EHMT1: variants seen among roughly 807,000 people sequenced by gnomAD.
The protein encoded by EHMT1 is euchromatic histone lysine methyltransferase 1, also known as histone-lysine N-methyltransferase EHMT1.
Under a neutral mutation model 147.2 loss-of-function variants are expected in EHMT1, and 15 were observed. That is an observed-to-expected ratio of 0.10 (90% CI 0.07 to 0.16). EHMT1 has a LOEUF of 0.16. Among genes scored for constraint, EHMT1 ranks in the 10% least tolerant of loss-of-function variants. The probability of loss-of-function intolerance (pLI) is 1.00; values close to 1 mark genes in which losing one functional copy is unlikely to be tolerated. For missense variants in EHMT1, 1,587 were observed against 1,772.4 expected, an observed-to-expected ratio of 0.90 and a Z score of 1.88; for synonymous variants, 795 against 709.6, an observed-to-expected ratio of 1.12 and a Z score of -1.91.
Position 137,622,843 on chromosome 9 carries a change from G to A in EHMT1, c.21+3794G>A, listed in dbSNP as rs529748926. Among the ~76,000 whole-genome samples the A allele has an allele frequency of 8.6e-5, 13 of 150,996 alleles. No homozygotes were observed. The East Asian group carries it at 2.2e-3, about 25-fold the overall frequency. On this transcript the variant is annotated intron_variant, in intron 1 of 26. Coordinates refer to ENST00000460843, the MANE Select transcript of EHMT1 (RefSeq NM_024757.5). ...GATCGCTTGATCCCAGGAGGCCAAGGCTGCAGTGAGCTGTGATTGTGCCAC... is the reference window on the plus strand; with the variant it reads ...GATCGCTTGATCCCAGGAGGCCAAGACTGCAGTGAGCTGTGATTGTGCCAC...
At chr9:137,765,664 T>G (rs1055433544) in intron 10 of EHMT1, among the ~76,000 whole-genome samples, 1 of 2,650 alleles carries the variant, frequency 3.8e-4, no homozygotes, top group Non-Finnish European at 9.2e-4. Flanking sequence ...ACTGCCCCAC[T>G]CCCCCCGCCC....
At chr9:137,748,902 A>G (rs1172437780) in intron 6 of EHMT1, among the ~76,000 whole-genome samples, 1 of 152,042 alleles carries the variant, frequency 6.6e-6, no homozygotes, top group African/African-American at 2.4e-5. Flanking sequence ...TTTCACTGAA[A>G]CAGTACCCGG....
chr9:137,742,340 G>T (rs964878307), intron 4 of EHMT1, among the ~76,000 whole-genome samples: 1 of 117,782 alleles, frequency 8.5e-6, no homozygotes, highest in Admixed American at 9.7e-5. Context: ...TGTAAGTAAA[G>T]GGGGTCTCAC....
rs562568232 is a variant in EHMT1 at position 137,787,465 on chromosome 9, G to C, written c.2383-3383G>C. On this transcript the variant is annotated intron_variant, in intron 15 of 26. Coordinates refer to ENST00000460843, the MANE Select transcript of EHMT1 (RefSeq NM_024757.5). This position sits in a 1 kb window ranked among gnomAD's most constrained non-coding sequence, Gnocchi z 4.2. The stretch of plus-strand genomic sequence containing the variant: ...GCCTCTGGGTGTAGGGGAAACAGAG[G>C]CATGACTGACCAGGGCCAGGGCCGT... Among the ~76,000 whole-genome samples, 1 of 152,210 alleles carries C rather than the reference G, an allele frequency of 6.6e-6. No homozygotes were observed. The highest frequency in any genetic ancestry group is 2.4e-5 in the African/African-American group (1 of 41,462).
chr9:137,694,819 G>C (rs1165736619), intron 1 of EHMT1, among the ~76,000 whole-genome samples: 1 of 152,246 alleles, frequency 6.6e-6, no homozygotes, highest in South Asian at 2.1e-4. Context: ...CAGGCCATCA[G>C]CTCGGCAGGC....
chr9:137,790,428 T>C (rs1952437239), intron 15 of EHMT1, among the ~76,000 whole-genome samples: 1 of 152,178 alleles, frequency 6.6e-6, no homozygotes, highest in Non-Finnish European at 1.5e-5. Context: ...TTTCCACTTA[T>C]TTTGGCGAGT....
intron 4 of EHMT1, among the ~76,000 whole-genome samples, chr9:137,740,091 T>A (rs1947918786): frequency 6.6e-6 from 1 of 152,208 alleles, no homozygotes; most frequent in Non-Finnish European, 1.5e-5. Context: ...TTGTCTGCCC[T>A]CTGGAGCCTG....
chr9:137,827,762 C>A (rs1016212543), intron 25 of EHMT1, among the ~76,000 whole-genome samples: 13 of 151,656 alleles, frequency 8.6e-5, no homozygotes, highest in African/African-American at 2.9e-4. Context: ...CCCGCCCTCC[C>A]GGTCCTTACC....
rs1949189978 is a variant in EHMT1, at chr9:137,754,020, C to G, written c.1249-151C>G. The G allele has an allele frequency of 6.0e-6, 8 of 1,324,388 alleles. No homozygotes were observed. The South Asian group carries it at 7.2e-5, about 12-fold the overall frequency. The allele number at this position is 1,324,388 out of a possible 1,614,324, so 82.0% of individuals were successfully genotyped here. A position where few individuals can be genotyped will look rare whatever the true frequency, so the allele number is the denominator to read the frequency against. Reference sequence around the variant, plus strand: ...CGCAGGGTGCCTTTAAGCGTGTGACCCAGCAAAATGTCTACAAGTTAAGTT... The same window carrying G: ...CGCAGGGTGCCTTTAAGCGTGTGACGCAGCAAAATGTCTACAAGTTAAGTT... On this transcript the variant is annotated intron_variant, in intron 7 of 26. Coordinates refer to ENST00000460843, the MANE Select transcript of EHMT1 (RefSeq NM_024757.5).
At chr9:137,671,441 G>A (rs1940616521) in intron 1 of EHMT1, among the ~76,000 whole-genome samples, 1 of 151,476 alleles carries the variant, frequency 6.6e-6, no homozygotes, top group African/African-American at 2.4e-5. Context: ...AAACCTGAAG[G>A]GAAGATGACC....
intron 19 of EHMT1, 61 bp downstream of exon 19, chr9:137,811,676 A>T (rs777741089): frequency 4.5e-5 from 71 of 1,594,576 alleles, no homozygotes; most frequent in Non-Finnish European, 5.9e-5. Context: ...GCCCAGAGAG[A>T]CCGCTTGACA....
chr9:137,688,731 C>T (rs1243781892), intron 1 of EHMT1, among the ~76,000 whole-genome samples: 1 of 152,194 alleles, frequency 6.6e-6, no homozygotes, highest in African/African-American at 2.4e-5. Context: ...TTTGTGTATT[C>T]TCATGCACAC....
At chr9:137,809,312 A>G (rs1051918134) in intron 18 of EHMT1, among the ~76,000 whole-genome samples, 2 of 151,982 alleles carry the variant, frequency 1.3e-5, no homozygotes, top group African/African-American at 2.4e-5. Context: ...TGGGAGGGGG[A>G]CTGCGTGAGA....
intron 1 of EHMT1, among the ~76,000 whole-genome samples, chr9:137,675,664 C>G (rs1358563091): frequency 7.3e-6 from 1 of 136,998 alleles, no homozygotes. Flanking sequence ...GACAGAGTCT[C>G]GCTCTGTCAC....
At chr9:137,734,139 A>G (rs1362805589) in intron 4 of EHMT1, among the ~76,000 whole-genome samples, 1 of 152,330 alleles carries the variant, frequency 6.6e-6, no homozygotes, top group East Asian at 1.9e-4. Context: ...AAATAAGTCA[A>G]CAGAAACTGT....
Position 137,782,336 on chromosome 9 carries a change from G to T in EHMT1, c.2321G>T (p.Arg774Leu). The change falls in exon 15 of 27, where the codon CGC (arginine) becomes CTC (leucine). Residue 774 changes from arginine to leucine, a missense_variant. Arg to Leu is a moderately radical substitution (Grantham distance 102). Transcript: ENST00000460843. This position sits in a 1 kb window ranked among gnomAD's most constrained non-coding sequence, Gnocchi z 5.7. ...TTCAAAATGGAGCACCAGAATAAGC[G>T]CTCTCCACTGCACGCCGCGGCAGAG... ...PNFKMEHQNKRSPLHAAAEAG... is the reference protein window; with the variant it reads ...PNFKMEHQNKLSPLHAAAEAG... 1 of 1,613,408 alleles carries T rather than the reference G, an allele frequency of 6.2e-7. No homozygotes were observed.
chr9:137,797,914 A>G (rs759730925), intron 16 of EHMT1, among the ~76,000 whole-genome samples: 41 of 152,354 alleles, frequency 2.7e-4, no homozygotes, highest in Non-Finnish European at 5.7e-4. Flanking sequence ...AACCCTGTGT[A>G]AGGCGTGTGG....
chr9:137,642,119 T>G (rs912285124), intron 1 of EHMT1, among the ~76,000 whole-genome samples: 1 of 152,072 alleles, frequency 6.6e-6, no homozygotes. Context: ...GGATTACAGG[T>G]GTGAGCCACT....
chr9:137,631,273 T>C (rs574961701), intron 1 of EHMT1, among the ~76,000 whole-genome samples: 8 of 151,940 alleles, frequency 5.3e-5, no homozygotes, highest in Non-Finnish European at 8.8e-5. Context: ...GCGCCTGTAA[T>C]CCCAGCTACT....
Sources: gnomAD v4.1 joint callset for allele counts (sites outside exome capture counted in the v4.1 genomes callset) on GRCh38, gnomAD v4.1.1 for gene constraint, Gnocchi (gnomAD v3.1) non-coding constraint, MANE v1.5 for transcripts, NCBI Gene and HGNC (gene_info 2026-07-23, HGNC 2026-07-21) for gene names.